Variants in MEF2C observed in about 807,000 individuals in gnomAD.
MEF2C encodes the protein myocyte-specific enhancer factor 2C.
Under a neutral mutation model 50.5 loss-of-function variants are expected in MEF2C, and 6 were observed. The observed-to-expected ratio is 0.12, with a 90% confidence interval of 0.07 to 0.23. MEF2C has a LOEUF of 0.23. MEF2C is among the 10% of genes least tolerant of loss of function. The probability of loss-of-function intolerance (pLI) is 1.00; values close to 1 mark genes in which losing one functional copy is unlikely to be tolerated. For missense variants in MEF2C, 276 were observed against 605.0 expected (o/e 0.46, Z 5.70); for synonymous variants, 183 against 228.0 (o/e 0.80, Z 1.78).
intron 4 of MEF2C, among the ~76,000 whole-genome samples, chr5:88,756,713 C>T (rs978428293): frequency 5.3e-5 from 8 of 152,078 alleles, no homozygotes; most frequent in African/African-American, 1.7e-4. Context: ...ATAAATATTT[C>T]TAAGAAATTG....
chr5:88,851,731 CCTT>C (rs1242365194), intron 1 of MEF2C, among the ~76,000 whole-genome samples: 2 of 151,886 alleles, frequency 1.3e-5, no homozygotes, highest in South Asian at 2.1e-4. Flanking sequence ...ATGTACGACT[CCTT>C]ATTTTATATT....
At chr5:88,753,633 C>T (rs1317423475) in intron 4 of MEF2C, among the ~76,000 whole-genome samples, 2 of 152,140 alleles carry the variant, frequency 1.3e-5, no homozygotes, top group East Asian at 1.9e-4. Context: ...GCAGGTGATC[C>T]GCCCACCTCG....
intron 9 of MEF2C, 123 bp downstream of exon 9, chr5:88,729,095 G>T (rs1037073187): frequency 9.8e-7 from 1 of 1,021,018 alleles, no homozygotes. Context: ...GGGTAATGCT[G>T]CAGTGCTGTG....
chr5:88,862,327 CAG>C (rs1253654049), intron 1 of MEF2C, among the ~76,000 whole-genome samples: 3 of 151,922 alleles, frequency 2.0e-5, no homozygotes, highest in Non-Finnish European at 2.9e-5. Flanking sequence ...CACACACACA[CAG>C]AGATACATGT....
At chr5:88,860,955 G>A (rs1825294381) in intron 1 of MEF2C, among the ~76,000 whole-genome samples, 1 of 152,110 alleles carries the variant, frequency 6.6e-6, no homozygotes, top group Non-Finnish European at 1.5e-5. Flanking sequence ...ATTTTAGGGA[G>A]TCTATTTATA....
At chr5:88,792,366 A>G (rs887642839) in intron 3 of MEF2C, among the ~76,000 whole-genome samples, 1 of 152,178 alleles carries the variant, frequency 6.6e-6, no homozygotes, top group Non-Finnish European at 1.5e-5. Context: ...GGTTAGGGGT[A>G]AAGTGTGCTT....
At chr5:88,811,306 A>G (rs1211898312) in intron 2 of MEF2C, among the ~76,000 whole-genome samples, 1 of 152,176 alleles carries the variant, frequency 6.6e-6, no homozygotes, top group African/African-American at 2.4e-5. Flanking sequence ...GCGAAGAGGC[A>G]AAATTAGTAA....
At chr5:88,813,808 T>C (rs926793453) in intron 2 of MEF2C, among the ~76,000 whole-genome samples, 2 of 152,140 alleles carry the variant, frequency 1.3e-5, no homozygotes, top group South Asian at 2.1e-4. Flanking sequence ...AGTTTCTTTG[T>C]TTTAGGATGT....
chr5:88,742,117 C>G (rs988062604), intron 6 of MEF2C: 2 of 985,208 alleles, frequency 2.0e-6, no homozygotes, highest in African/African-American at 3.5e-5. Context: ...CTTGAAGCAC[C>G]GAGTGAGAAA....
rs184011286 is a variant in MEF2C, at chr5:88,733,645, C to A, written c.638-1744G>T. On this transcript the variant is annotated intron_variant, in intron 6 of 10. Transcript: ENST00000504921. ...TATATTTGAGGCACACTGTATAAAG[C>A]AGATTTGTTCTTCATATCCCATTCA... 173 of 985,302 alleles carry A rather than the reference C, an allele frequency of 1.8e-4. No individual in the cohort carries two copies. In the African/African-American group the frequency reaches 2.8e-3, roughly 16 times the overall value. 61.0% of individuals were successfully genotyped at this position (985,302 alleles called of 1,614,324 possible). A position where few individuals can be genotyped will look rare whatever the true frequency, so the allele number is the denominator to read the frequency against.
intron 4 of MEF2C, among the ~76,000 whole-genome samples, chr5:88,759,952 C>T (rs957675083): frequency 7.2e-5 from 11 of 152,238 alleles, no homozygotes; most frequent in Non-Finnish European, 1.5e-4. Flanking sequence ...GAACTTTGTC[C>T]CCACATATCT....
At chr5:88,843,967 G>A (rs976316768) in intron 1 of MEF2C, among the ~76,000 whole-genome samples, 5 of 152,054 alleles carry the variant, frequency 3.3e-5, no homozygotes, top group African/African-American at 9.6e-5. Flanking sequence ...GCACCACCAC[G>A]CCTGGATAAT....
intron 1 of MEF2C, among the ~76,000 whole-genome samples, chr5:88,850,874 C>T (rs1439722175): frequency 6.6e-6 from 1 of 151,714 alleles, no homozygotes; most frequent in Non-Finnish European, 1.5e-5. Flanking sequence ...AAGACCAACC[C>T]CTCTCTTCGT....
chr5:88,772,464 G>A (rs889936017), intron 3 of MEF2C: 3 of 153,408 alleles, frequency 2.0e-5, no homozygotes, highest in African/African-American at 7.2e-5. Flanking sequence ...GCTGGCCCTT[G>A]TCCTGATGGG....
At chr5:88,803,740 C>T (rs187050395) in intron 3 of MEF2C, among the ~76,000 whole-genome samples, 74 of 151,998 alleles carry the variant, frequency 4.9e-4, no homozygotes, top group Non-Finnish European at 9.6e-4. Flanking sequence ...TAAAATGTTC[C>T]AGCCAATGTA....
At chr5:88,769,626 A>G (rs960052318) in intron 3 of MEF2C, among the ~76,000 whole-genome samples, 4 of 152,192 alleles carry the variant, frequency 2.6e-5, no homozygotes, top group Non-Finnish European at 4.4e-5. Context: ...AGTTAATCCT[A>G]TATATCTATA....
At chr5:88,838,936 G>A (rs759786321) in intron 1 of MEF2C, among the ~76,000 whole-genome samples, 22 of 151,962 alleles carry the variant, frequency 1.4e-4, no homozygotes, top group Admixed American at 1.0e-3. Flanking sequence ...GGAATTTTAC[G>A]GCTTTCAACT....
chr5:88,867,591 TTTTA>T, intron 1 of MEF2C, among the ~76,000 whole-genome samples: 1 of 152,340 alleles, frequency 6.6e-6, no homozygotes, highest in South Asian at 2.1e-4. Flanking sequence ...TAGCTGTGGT[TTTTA>T]TTGTCTTATT....
chr5:88,903,694 T>C (rs913942282), intron 1 of MEF2C, among the ~76,000 whole-genome samples: 2 of 151,962 alleles, frequency 1.3e-5, no homozygotes, highest in African/African-American at 4.8e-5. Flanking sequence ...GACCAATATT[T>C]AAAAATAGAA....
Sources: gnomAD v4.1 joint callset for allele counts (sites outside exome capture counted in the v4.1 genomes callset) on GRCh38, gnomAD v4.1.1 for gene constraint, MANE v1.5 for transcripts, NCBI Gene and HGNC (gene_info 2026-07-23, HGNC 2026-07-21) for gene names.